MDGA2: variants seen among roughly 807,000 people sequenced by gnomAD.
MDGA2 encodes MAM domain-containing glycosylphosphatidylinositol anchor protein 2.
MDGA2 carries 40 observed loss-of-function variants against 117.8 expected under a neutral mutation model. The observed-to-expected ratio is 0.34, with a 90% CI of 0.26 to 0.44. The LOEUF is 0.44. MDGA2 is among the 20% of genes least tolerant of loss of function. MDGA2 has a pLI of 1.00. For missense variants in MDGA2, 1,123 were observed against 1,250.6 expected (o/e 0.90, Z 1.54); for synonymous variants, 452 against 439.0 (o/e 1.03, Z -0.37).
intron 1 of MDGA2, among the ~76,000 whole-genome samples, chr14:47,516,943 G>T (rs528704692): frequency 6.6e-6 from 1 of 151,980 alleles, no homozygotes; most frequent in Non-Finnish European, 1.5e-5. Context: ...AACAAAAAAA[G>T]TGGACACTTT....
intron 8 of MDGA2, among the ~76,000 whole-genome samples, chr14:46,980,218 C>G (rs1886618736): frequency 6.6e-6 from 1 of 152,082 alleles, no homozygotes; most frequent in Admixed American, 6.6e-5. Flanking sequence ...AAGTTGATCC[C>G]AACACTCATG....
intron 3 of MDGA2, among the ~76,000 whole-genome samples, chr14:47,216,948 C>A (rs534511766): frequency 3.3e-5 from 5 of 152,058 alleles, no homozygotes; most frequent in African/African-American, 9.6e-5. Context: ...ATAGAAGATA[C>A]TGGAGAGGAT....
At chr14:46,897,443 A>G (rs1000623435) in intron 10 of MDGA2, among the ~76,000 whole-genome samples, 1 of 152,146 alleles carries the variant, frequency 6.6e-6, no homozygotes, top group Non-Finnish European at 1.5e-5. Context: ...GCAAATAACT[A>G]CAACATTCTA....
At chr14:47,513,209 C>T (rs1436849444) in intron 1 of MDGA2, among the ~76,000 whole-genome samples, 1 of 152,040 alleles carries the variant, frequency 6.6e-6, no homozygotes, top group African/African-American at 2.4e-5. Context: ...GGAACTATTA[C>T]AAATTATATA....
At chr14:47,296,114 A>G (rs770359660) in intron 2 of MDGA2, among the ~76,000 whole-genome samples, 25 of 152,178 alleles carry the variant, frequency 1.6e-4, no homozygotes, top group Non-Finnish European at 2.9e-4. Flanking sequence ...TCTTGTTTGT[A>G]TAAGGGCAAG....
intron 14 of MDGA2, among the ~76,000 whole-genome samples, chr14:46,860,662 T>C (rs1181133224): frequency 6.6e-6 from 1 of 152,000 alleles, no homozygotes; most frequent in Non-Finnish European, 1.5e-5. Flanking sequence ...ATTGTTTTTT[T>C]CTGTTGTTTT....
intron 6 of MDGA2, among the ~76,000 whole-genome samples, chr14:47,091,455 G>A (rs1879652202): frequency 6.6e-6 from 1 of 152,118 alleles, no homozygotes; most frequent in Admixed American, 6.6e-5. Context: ...TTAGAGATAT[G>A]CTATCTTAAG....
intron 14 of MDGA2, among the ~76,000 whole-genome samples, chr14:46,867,683 T>C (rs942414665): frequency 2.0e-5 from 3 of 152,112 alleles, no homozygotes; most frequent in Admixed American, 1.3e-4. Context: ...TTTTATCCTG[T>C]ATTATGGTTT....
chr14:47,478,921 T>A (rs1893897257), intron 1 of MDGA2, among the ~76,000 whole-genome samples: 1 of 152,190 alleles, frequency 6.6e-6, no homozygotes, highest in African/African-American at 2.4e-5. Flanking sequence ...AGCCTCACTT[T>A]GGGCTTTTCG....
chr14:47,065,299 C>T (rs1055838734), intron 6 of MDGA2, among the ~76,000 whole-genome samples: 5 of 152,110 alleles, frequency 3.3e-5, no homozygotes, highest in Non-Finnish European at 5.9e-5. Context: ...ACTGAAATCC[C>T]TCTTCTTCAG....
intron 2 of MDGA2, among the ~76,000 whole-genome samples, chr14:47,226,690 G>A (rs1208506811): frequency 6.6e-6 from 1 of 152,102 alleles, no homozygotes; most frequent in Non-Finnish European, 1.5e-5. Context: ...TCATCATAGA[G>A]AAGTTTGATT....
intron 1 of MDGA2, among the ~76,000 whole-genome samples, chr14:47,315,171 A>G (rs1430968047): frequency 2.6e-5 from 4 of 152,040 alleles, no homozygotes; most frequent in Non-Finnish European, 1.5e-5. Context: ...TGACTATAAT[A>G]CTTTTTCTAC....
chr14:47,440,124 C>T (rs1166684384), intron 1 of MDGA2, among the ~76,000 whole-genome samples: 2 of 151,960 alleles, frequency 1.3e-5, no homozygotes, highest in African/African-American at 4.8e-5. Flanking sequence ...GATTGTTTCC[C>T]CATCACATGT....
intron 1 of MDGA2, among the ~76,000 whole-genome samples, chr14:47,609,987 A>C (rs1896818659): frequency 6.6e-6 from 1 of 151,998 alleles, no homozygotes; most frequent in Non-Finnish European, 1.5e-5. Flanking sequence ...TAGCTAACGG[A>C]ATCCACCATG....
rs111847290 is a variant in MDGA2 at position 47,350,762 on chromosome 14, A to G, written c.281-49212T>C. On this transcript the variant is annotated intron_variant, in intron 1 of 16. Coordinates refer to ENST00000399232, the MANE Select transcript of MDGA2 (RefSeq NM_001113498.3). ...TTCAATAGCTCTCAAGTACCTAAGT[A>G]ATTTTGGTAGCTAGATCCAGGGAGC... Among the ~76,000 whole-genome samples the G allele has an allele frequency of 9.3e-3, 1,423 of 152,344 alleles. 21 individuals are homozygous for G. Among genetic ancestry groups the G allele is most frequent in the African/African-American group, 0.032 (1,310 of 41,562 alleles).
At chr14:47,234,356 C>T (rs961697688) in intron 2 of MDGA2, among the ~76,000 whole-genome samples, 3 of 151,756 alleles carry the variant, frequency 2.0e-5, no homozygotes, top group Admixed American at 6.6e-5. Flanking sequence ...AAATTATAGA[C>T]ACCGTTTATC....
chr14:47,200,226 A>G (rs1177514892), intron 3 of MDGA2, among the ~76,000 whole-genome samples: 1 of 152,060 alleles, frequency 6.6e-6, no homozygotes, highest in Non-Finnish European at 1.5e-5. Flanking sequence ...AAGCCTTAGC[A>G]CAAAAAAATC....
At chr14:47,394,891 C>T (rs1450042569) in intron 1 of MDGA2, among the ~76,000 whole-genome samples, 1 of 152,012 alleles carries the variant, frequency 6.6e-6, no homozygotes, top group African/African-American at 2.4e-5. Context: ...GGTGACTCAT[C>T]CCTGTAATCC....
At chr14:47,056,356 G>A (rs1889676214) in intron 7 of MDGA2, among the ~76,000 whole-genome samples, 1 of 152,096 alleles carries the variant, frequency 6.6e-6, no homozygotes, top group Non-Finnish European at 1.5e-5. Flanking sequence ...GTAACTAGAT[G>A]GGTGGCAGCA....
Sources: gnomAD v4.1 joint callset for allele counts (sites outside exome capture counted in the v4.1 genomes callset) on GRCh38, gnomAD v4.1.1 for gene constraint, MANE v1.5 for transcripts, NCBI Gene and HGNC (gene_info 2026-07-23, HGNC 2026-07-21) for gene names.